The following ALDH6A1 variants were observed in gnomAD, a reference collection of about 807,000 sequenced individuals.
ALDH6A1 encodes methylmalonate-semialdehyde/malonate-semialdehyde dehydrogenase [acylating], mitochondrial.
Under a neutral mutation model 62.6 loss-of-function variants are expected in ALDH6A1, and 43 were observed. The ratio of observed to expected loss-of-function variants is 0.69; its 90% CI spans 0.54 to 0.89. The LOEUF (loss-of-function observed/expected upper bound fraction) is 0.89, where lower values mean the gene tolerates loss of function less well. Ranked by LOEUF, ALDH6A1 falls within the 40% of genes least tolerant of loss-of-function variation. ALDH6A1 has a pLI of 0.00. For missense variants in ALDH6A1, 551 were observed against 661.3 expected, an observed-to-expected ratio of 0.83 and a Z score of 1.83; for synonymous variants, 194 against 234.2, an observed-to-expected ratio of 0.83 and a Z score of 1.57.
In ALDH6A1 at chr14:74,071,380, A is replaced by G. The variant is rs1416582216; in HGVS notation, c.545T>C (p.Ile182Thr). Reference sequence around the variant, plus strand: ...CATGGCAGGAAAATTGAATGGAGCAATGCCTGCACACACTCCCAGAGGCAG... The same window carrying G: ...CATGGCAGGAAAATTGAATGGAGCAGTGCCTGCACACACTCCCAGAGGCAG... The part of the protein sequence containing the change: ...YRLPLGVCAG[I>T]APFNFPAMIP... Residue 182 changes from isoleucine to threonine, a missense_variant, in exon 6 of 12, where the codon ATT (isoleucine) becomes ACT (threonine). Coordinates refer to ENST00000553458, the MANE Select transcript of ALDH6A1 (RefSeq NM_005589.4). The G allele has an allele frequency of 6.2e-7, 1 of 1,614,186 alleles. No individual in the cohort carries two copies. The highest frequency in any genetic ancestry group is 1.7e-5 in the Admixed American group (1 of 60,010).
At chr14:74,066,946 G>C in intron 8 of ALDH6A1, 60 bp from the exon 9 acceptor site, 3 of 1,520,682 alleles carry the variant, frequency 2.0e-6, no homozygotes, top group East Asian at 2.3e-5. Flanking sequence ...ACTGCTGCCA[G>C]GGCTCATGCC....
intron 7 of ALDH6A1, among the ~76,000 whole-genome samples, chr14:74,068,391 A>G (rs1235730680): frequency 1.3e-5 from 2 of 151,258 alleles, no homozygotes; most frequent in Non-Finnish European, 2.9e-5. Flanking sequence ...AAAAAAAGAA[A>G]AAAAGTGATT....
At chr14:74,075,273 A>G (rs2060599955) in intron 1 of ALDH6A1, among the ~76,000 whole-genome samples, 1 of 152,140 alleles carries the variant, frequency 6.6e-6, no homozygotes, top group Non-Finnish European at 1.5e-5. Flanking sequence ...ATATTTTCCT[A>G]ATTTGGGCCT....
In ALDH6A1 at chr14:74,068,816, C is replaced by T. The variant is rs1341971390; in HGVS notation, c.852+44G>A. 8 of 1,609,240 alleles carry T rather than the reference C, an allele frequency of 5.0e-6. No homozygotes were observed. The African/African-American group carries it at 8.0e-5, about 16-fold the overall frequency. ...TGAAGGTCTGTTCCTAGGTAATTTTCATATATAGAACAAAGATTGGAGAAA... is the reference window on the plus strand; with the variant it reads ...TGAAGGTCTGTTCCTAGGTAATTTTTATATATAGAACAAAGATTGGAGAAA... On this transcript the variant is annotated intron_variant, in intron 7 of 11. Transcript: ENST00000553458.
In ALDH6A1 at chr14:74,084,451, G is replaced by GCTGCCAGGCCTCGCCCTCCATC; in HGVS notation, c.-58_-57insGATGGAGGGCGAGGCCTGGCAG. On this transcript the variant is annotated 5_prime_UTR_variant, in exon 1 of 12. In the 5' UTR this introduces an upstream ATG that the reference lacks. Transcript: ENST00000553458. ...GCCTCTACTGCCCAGAAGCACTACAGCTGCCAGGCCTCGCCCTCCATCCTG... is the reference window on the plus strand; with the variant it reads ...GCCTCTACTGCCCAGAAGCACTACAGCTGCCAGGCCTCGCCCTCCATCCTGCCAGGCCTCGCCCTCCATCCTG... 6.3e-7 allele frequency: 1 copy of GCTGCCAGGCCTCGCCCTCCATC among 1,598,798 alleles called. No homozygotes were observed.
In ALDH6A1 at chr14:74,066,954, GC is replaced by G. The variant is rs1239596431; in HGVS notation, c.1043-69del. ...AATTATGACTGCTGCCAGGGCTCAT[GC>G]CTGTAATCCCAAAGCTTTAGGAGGC... On this transcript the variant is annotated intron_variant, in intron 8 of 11. Coordinates refer to ENST00000553458, the MANE Select transcript of ALDH6A1 (RefSeq NM_005589.4). 4 of 1,481,810 alleles carry G rather than the reference GC, an allele frequency of 2.7e-6. No homozygotes were observed. The African/African-American group carries it at 5.5e-5, about 20-fold the overall frequency. The allele number at this position is 1,481,810 out of a possible 1,614,324, so 91.8% of individuals were successfully genotyped here.
intron 1 of ALDH6A1, among the ~76,000 whole-genome samples, chr14:74,081,813 A>G (rs2060670532): frequency 6.6e-6 from 1 of 152,214 alleles, no homozygotes; most frequent in African/African-American, 2.4e-5. Context: ...TGCCTAACAT[A>G]GAAAGAGATG....
In ALDH6A1 at chr14:74,057,139, T is replaced by A. The variant is rs567096598; in HGVS notation, c.*3503A>T. 1 of 1,609,960 alleles carries A rather than the reference T, an allele frequency of 6.2e-7. No individual in the cohort carries two copies. The highest frequency in any genetic ancestry group is 1.7e-5 in the Admixed American group (1 of 59,630). On this transcript the variant is annotated 3_prime_UTR_variant, in exon 12 of 12. Transcript: ENST00000553458. ...GACGGTTCTGTTATTTTGTCATTAT[T>A]GCAGGGATGAAAGTAAGCTTCAAGA...
Position 74,057,624 on chromosome 14 carries a change from G to A in ALDH6A1, c.*3018C>T. ...AGTCATTACAACCTAGAGGACAAAGGCTTATAAGGAGATATGAAATGATTT... is the reference window on the plus strand; with the variant it reads ...AGTCATTACAACCTAGAGGACAAAGACTTATAAGGAGATATGAAATGATTT... On this transcript the variant is annotated 3_prime_UTR_variant, in exon 12 of 12. Transcript: ENST00000553458. 1 of 1,336,306 alleles carries A rather than the reference G, an allele frequency of 7.5e-7. No individual in the cohort carries two copies. Among genetic ancestry groups the A allele is most frequent in the Non-Finnish European group, 9.8e-7 (1 of 1,025,032 alleles). 82.8% of individuals were successfully genotyped at this position (1,336,306 alleles called of 1,614,324 possible).
chr14:74,057,017 C>T lies in ALDH6A1; in HGVS notation c.*3625G>A. ...CTTGCTTAAGTAATAAACATGAGCC[C>T]AACACGATGGTTCTTGTGGGCATCT... is the stretch of plus-strand genomic sequence containing the variant. On this transcript the variant is annotated 3_prime_UTR_variant, in exon 12 of 12. Transcript: ENST00000553458. 6.3e-7 allele frequency: 1 copy of T among 1,589,912 alleles called. No individual in the cohort carries two copies. The highest frequency in any genetic ancestry group is 8.6e-7 in the Non-Finnish European group (1 of 1,161,340).
intron 1 of ALDH6A1, among the ~76,000 whole-genome samples, chr14:74,076,851 A>T (rs1057473320): frequency 6.6e-6 from 1 of 152,044 alleles, no homozygotes; most frequent in African/African-American, 2.4e-5. Flanking sequence ...CACCCAGCCT[A>T]TATATATGTT....
At chr14:74,071,099 AC>A in intron 6 of ALDH6A1, 95 bp downstream of exon 6, 2 of 1,192,724 alleles carry the variant, frequency 1.7e-6, no homozygotes, top group Non-Finnish European at 2.5e-6. Flanking sequence ...TTTCCTCCTT[AC>A]AAGTAGGTTC....
At chr14:74,063,321 G>A (rs969413272) in intron 11 of ALDH6A1, among the ~76,000 whole-genome samples, 1 of 151,612 alleles carries the variant, frequency 6.6e-6, no homozygotes, top group African/African-American at 2.4e-5. Context: ...CGAGTAGCTG[G>A]GATTATAGGC....
chr14:74,071,992 A>G lies in ALDH6A1; in HGVS notation c.349-18T>C, dbSNP rs185631033. 1,317 of 1,611,076 alleles carry G rather than the reference A, an allele frequency of 8.2e-4. 7 individuals carry two copies. Among genetic ancestry groups the G allele is most frequent in the Middle Eastern group, 5.1e-3 (31 of 6,054 alleles). Reference sequence around the variant, plus strand: ...ATTTCTTTCTAGAGAGAAGACACACAAATAGAAATTAATGCAAGAATGTTC... The same window carrying G: ...ATTTCTTTCTAGAGAGAAGACACACGAATAGAAATTAATGCAAGAATGTTC... On this transcript the variant is annotated intron_variant, in intron 4 of 11. Transcript: ENST00000553458.
At chr14:74,064,692 C>T (rs539773352) in intron 11 of ALDH6A1, 130 bp downstream of exon 11, 23 of 1,614,062 alleles carry the variant, frequency 1.4e-5, no homozygotes, top group Non-Finnish European at 1.8e-5. Flanking sequence ...TTTTAGGGAA[C>T]CTTCTGAGAA....
At chr14:74,069,055 C>T in intron 6 of ALDH6A1, 74 bp from the exon 7 acceptor site, 2 of 1,502,324 alleles carry the variant, frequency 1.3e-6, no homozygotes. Context: ...CCCCTTTCCC[C>T]ACTGCTATGG....
Position 74,060,269 on chromosome 14 carries a change from G to A in ALDH6A1, c.*373C>T, listed in dbSNP as rs2060310875. The A allele has an allele frequency of 4.5e-6, 1 of 220,188 alleles. No homozygotes were observed. The highest frequency in any genetic ancestry group is 7.1e-5 in the South Asian group (1 of 14,006). 13.6% of individuals were successfully genotyped at this position (220,188 alleles called of 1,614,324 possible). On this transcript the variant is annotated 3_prime_UTR_variant, in exon 12 of 12. Coordinates refer to ENST00000553458, the MANE Select transcript of ALDH6A1 (RefSeq NM_005589.4). ...CCCACTGTGGCCTCCCAAAATGATG[G>A]AATTACAGGCGTGAGCCACCGCGCC...
intron 1 of ALDH6A1, among the ~76,000 whole-genome samples, chr14:74,076,357 T>G (rs561902337): frequency 9.2e-5 from 14 of 152,242 alleles, no homozygotes; most frequent in Non-Finnish European, 1.5e-5. Context: ...AGTCTGTATA[T>G]ATGTTATCAA....
intron 5 of ALDH6A1, 166 bp from the exon 6 acceptor site, chr14:74,071,663 G>T: frequency 6.6e-7 from 1 of 1,526,178 alleles, no homozygotes. Flanking sequence ...GAGATTCTCT[G>T]AATGGGAAAA....
Sources: gnomAD v4.1 joint callset for allele counts (sites outside exome capture counted in the v4.1 genomes callset) on GRCh38, gnomAD v4.1.1 for gene constraint, MANE v1.5 for transcripts, NCBI Gene and HGNC (gene_info 2026-07-23, HGNC 2026-07-21) for gene names.